Variants in ACTL8 observed in about 807,000 individuals in gnomAD.
ACTL8 encodes actin-like protein 8.
ACTL8 carries 3 observed loss-of-function variants against 9.3 expected under a neutral mutation model. The observed-to-expected ratio is 0.32, with a 90% CI of 0.15 to 0.83. The LOEUF (loss-of-function observed/expected upper bound fraction) is 0.83. Among genes scored for constraint, ACTL8 ranks in the 40% least tolerant of loss-of-function variants. The pLI, the probability that ACTL8 is intolerant of heterozygous loss-of-function variation, is 0.57. For synonymous variants in ACTL8, 224 were observed against 205.9 expected, an observed-to-expected ratio of 1.09 and a Z score of -0.75; for missense variants, 381 against 492.2, an observed-to-expected ratio of 0.77 and a Z score of 2.14.
At chr1:17,824,081 A>G in intron 2 of ACTL8, among the ~76,000 whole-genome samples, 1 of 152,186 alleles carries the variant, frequency 6.6e-6, no homozygotes, top group Non-Finnish European at 1.5e-5. Flanking sequence ...GAGAGCGCTC[A>G]GGAAGGGCTT....
chr1:17,818,763 C>T (rs1168660493), intron 1 of ACTL8, among the ~76,000 whole-genome samples: 2 of 152,152 alleles, frequency 1.3e-5, no homozygotes, highest in Non-Finnish European at 2.9e-5. Context: ...CCTGTCCTTA[C>T]CAGGTTTTCT....
At chr1:17,811,455 T>C (rs981968531) in intron 1 of ACTL8, among the ~76,000 whole-genome samples, 9 of 152,226 alleles carry the variant, frequency 5.9e-5, no homozygotes, top group Admixed American at 2.0e-4. Flanking sequence ...AAAATTTTGG[T>C]GAAGTCCAGG....
chr1:17,825,075 G>A (rs1187259468), intron 2 of ACTL8, among the ~76,000 whole-genome samples: 6 of 144,300 alleles, frequency 4.2e-5, no homozygotes, highest in Admixed American at 2.1e-4. Flanking sequence ...TGAGGAATGG[G>A]GGGCAGGGGG....
At chr1:17,811,183 C>T (rs1244164807) in intron 1 of ACTL8, among the ~76,000 whole-genome samples, 3 of 152,270 alleles carry the variant, frequency 2.0e-5, no homozygotes, top group African/African-American at 7.2e-5. Context: ...ATTTGTTTTT[C>T]TCTAGTGACT....
In ACTL8 at chr1:17,825,884, CGCGT is replaced by C. The variant is rs1557450537; in HGVS notation, c.469_472del (p.Val157SerfsTer49). The C allele has an allele frequency of 6.2e-7, 1 of 1,613,814 alleles. No homozygotes were observed. The highest frequency in any genetic ancestry group is 1.1e-5 in the South Asian group (1 of 91,088). ...GGTTGATTCTGGCTATGGCCTGACC[CGCGT>C]GCAGCCTTTCCACCAGGGCCGCCCC... On this transcript the variant is annotated frameshift_variant, in exon 3 of 3. Coordinates refer to ENST00000375406, the MANE Select transcript of ACTL8 (RefSeq NM_030812.3). LOFTEE classifies it low-confidence loss of function (END_TRUNC).
At chr1:17,760,819 C>G (rs1039680571) in intron 1 of ACTL8, among the ~76,000 whole-genome samples, 6 of 152,222 alleles carry the variant, frequency 3.9e-5, no homozygotes, top group Non-Finnish European at 7.3e-5. Context: ...AAGCCCCGAG[C>G]TGCTGTGCCC....
At position 17,767,724 on chromosome 1, in the gene ACTL8, T is replaced by C. The variant is rs1385083948; in HGVS notation, c.-25+12220T>C. On this transcript the variant is annotated intron_variant, in intron 1 of 2. Transcript: ENST00000375406. This position sits in a 1 kb window ranked among gnomAD's most constrained non-coding sequence, Gnocchi z 4.7. ...TCTGCAGAAATACCTGCTTTATGTG[T>C]TGCCTGCTCAGTTATGTCTCATTGT... Among the ~76,000 whole-genome samples, 1 of 152,238 alleles carries C rather than the reference T, an allele frequency of 6.6e-6. No individual in the cohort carries two copies. The highest frequency in any genetic ancestry group is 2.4e-5 in the African/African-American group (1 of 41,458).
Position 17,782,476 on chromosome 1 carries a change from A to T in ACTL8, c.-25+26972A>T, listed in dbSNP as rs1435380473. Among the ~76,000 whole-genome samples the T allele has an allele frequency of 2.0e-5, 3 of 152,194 alleles. No homozygotes were observed. In the East Asian group the frequency reaches 5.8e-4, roughly 29 times the overall value. On this transcript the variant is annotated intron_variant, in intron 1 of 2. Transcript: ENST00000375406. The stretch of plus-strand genomic sequence containing the variant: ...CCAAAGGAGGAAAATCCCTTTAATC[A>T]TATTATGCATAGATCGCCACGGCGG...
chr1:17,823,413 T>A lies in ACTL8; in HGVS notation c.348+57T>A. 1 of 1,483,380 alleles carries A rather than the reference T, an allele frequency of 6.7e-7. No individual in the cohort carries two copies. The allele number at this position is 1,483,380 out of a possible 1,614,324, so 91.9% of individuals were successfully genotyped here. On this transcript the variant is annotated intron_variant, in intron 2 of 2. Coordinates refer to ENST00000375406, the MANE Select transcript of ACTL8 (RefSeq NM_030812.3). This position sits in a 1 kb window ranked among gnomAD's most constrained non-coding sequence, Gnocchi z 5.3. ...GAGCGGGAAACAGACTGACACTATGTCTGGACTGATTGGGCACCAGGAATT... is the reference window on the plus strand; with the variant it reads ...GAGCGGGAAACAGACTGACACTATGACTGGACTGATTGGGCACCAGGAATT...
chr1:17,760,807 C>G (rs973606449), intron 1 of ACTL8, among the ~76,000 whole-genome samples: 1 of 152,212 alleles, frequency 6.6e-6, no homozygotes, highest in Non-Finnish European at 1.5e-5. Context: ...TCTTGCCTGT[C>G]CAAGCCCCGA....
At chr1:17,813,746 C>G (rs1044857164) in intron 1 of ACTL8, among the ~76,000 whole-genome samples, 2 of 152,134 alleles carry the variant, frequency 1.3e-5, no homozygotes, top group Non-Finnish European at 2.9e-5. Context: ...CCGTTTAGAC[C>G]TAGAGTATTC....
At chr1:17,805,062 A>G (rs2066349086) in intron 1 of ACTL8, among the ~76,000 whole-genome samples, 1 of 151,906 alleles carries the variant, frequency 6.6e-6, no homozygotes, top group South Asian at 2.1e-4. Context: ...ATTTCCTAAC[A>G]AGGCCCTAGA....
intron 1 of ACTL8, among the ~76,000 whole-genome samples, chr1:17,803,911 A>G (rs2102694265): frequency 6.6e-6 from 1 of 152,272 alleles, no homozygotes; most frequent in Non-Finnish European, 1.5e-5. Flanking sequence ...TCTAGTTCTC[A>G]GTTTTTGTAC....
chr1:17,755,362 C>G lies in ACTL8; in HGVS notation c.-167C>G, dbSNP rs6673785. ...AGTAGGCTGCGGCACCACGTGCAGCCGCTCTCGTGCAGGCGTTTGCAGTGT... is the reference window on the plus strand; with the variant it reads ...AGTAGGCTGCGGCACCACGTGCAGCGGCTCTCGTGCAGGCGTTTGCAGTGT... On this transcript the variant is annotated 5_prime_UTR_variant, in exon 1 of 3. Transcript: ENST00000375406. The G allele has an allele frequency of 6.6e-5, 10 of 152,188 alleles. No homozygotes were observed. Among genetic ancestry groups the G allele is most frequent in the Non-Finnish European group, 1.5e-4 (10 of 68,038 alleles). The allele number at this position is 152,188 out of a possible 1,614,324, so 9.4% of individuals were successfully genotyped here.
intron 1 of ACTL8, among the ~76,000 whole-genome samples, chr1:17,795,599 G>A (rs1353408936): frequency 6.6e-6 from 1 of 152,156 alleles, no homozygotes; most frequent in Non-Finnish European, 1.5e-5. Flanking sequence ...AAGAGGAAAC[G>A]TTGCAGCACA....
At chr1:17,764,204 C>T (rs529058863) in intron 1 of ACTL8, among the ~76,000 whole-genome samples, 31 of 152,172 alleles carry the variant, frequency 2.0e-4, no homozygotes, top group East Asian at 1.9e-3. Context: ...TTAGGTGTGA[C>T]GCAAGGGGTG....
intron 1 of ACTL8, among the ~76,000 whole-genome samples, chr1:17,806,515 AGC>A (rs1557442920): frequency 6.6e-6 from 1 of 152,166 alleles, no homozygotes; most frequent in Non-Finnish European, 1.5e-5. Context: ...GGCCCAGTCC[AGC>A]TGCTGCTGGG....
chr1:17,770,708 G>T (rs150573723), intron 1 of ACTL8, among the ~76,000 whole-genome samples: 3 of 152,158 alleles, frequency 2.0e-5, no homozygotes, highest in African/African-American at 7.2e-5. Flanking sequence ...GACAGTAGTG[G>T]CAGAAGAGGA....
chr1:17,793,697 C>T (rs2066257713), intron 1 of ACTL8, among the ~76,000 whole-genome samples: 1 of 152,124 alleles, frequency 6.6e-6, no homozygotes, highest in Admixed American at 6.5e-5. Context: ...GCCACCTACC[C>T]TGGTCTGGGT....
Sources: allele counts gnomAD v4.1 joint callset (sites outside exome capture counted in the v4.1 genomes callset), GRCh38; gene constraint gnomAD v4.1.1; non-coding constraint Gnocchi (gnomAD v3.1); transcripts MANE v1.5; gene names NCBI Gene and HGNC (gene_info 2026-07-23, HGNC 2026-07-21).